Variants in MARCHF7 observed in about 807,000 individuals in gnomAD.
MARCHF7 encodes E3 ubiquitin-protein ligase MARCHF7.
MARCHF7 carries 20 observed loss-of-function variants against 76.5 expected under a neutral mutation model. The observed-to-expected ratio is 0.26, with a 90% CI of 0.18 to 0.38. The LOEUF is 0.38. Ranked by LOEUF, MARCHF7 falls within the 10% of genes least tolerant of loss-of-function variation. The pLI, the probability that MARCHF7 is intolerant of heterozygous loss-of-function variation, is 1.00. For synonymous variants in MARCHF7, 295 were observed against 293.0 expected, an observed-to-expected ratio of 1.01 and a Z score of -0.07; for missense variants, 797 against 812.9, an observed-to-expected ratio of 0.98 and a Z score of 0.24.
chr2:159,717,395 A>T (rs1701159828), intron 3 of MARCHF7, among the ~76,000 whole-genome samples: 1 of 152,200 alleles, frequency 6.6e-6, no homozygotes, highest in African/African-American at 2.4e-5. Flanking sequence ...CTTTAAAATA[A>T]TAGAGTGGGT....
chr2:159,751,804 T>C (rs575755309), intron 7 of MARCHF7, among the ~76,000 whole-genome samples: 8 of 152,342 alleles, frequency 5.3e-5, no homozygotes, highest in African/African-American at 1.9e-4. Context: ...TTTTATAAGA[T>C]TGCTGCGCCG....
At chr2:159,722,979 A>G (rs1701793740) in intron 3 of MARCHF7, among the ~76,000 whole-genome samples, 1 of 152,244 alleles carries the variant, frequency 6.6e-6, no homozygotes, top group Admixed American at 6.5e-5. Flanking sequence ...AAGAGGTATT[A>G]TTAGGAAACA....
At position 159,759,262 on chromosome 2, in the gene MARCHF7, G is replaced by A; in HGVS notation, c.1820G>A (p.Cys607Tyr). 1 of 1,611,374 alleles carries A rather than the reference G, an allele frequency of 6.2e-7. No homozygotes were observed. Among genetic ancestry groups the A allele is most frequent in the Non-Finnish European group, 8.5e-7 (1 of 1,178,034 alleles). Residue 607 changes from cysteine to tyrosine, a missense_variant, in exon 9 of 12, where the codon TGT (cysteine) becomes TAT (tyrosine). Around this residue, in one of 3 missense-constraint regions of MARCHF7, gnomAD observed 124 missense variants for 121.3 expected, o/e 1.02. Coordinates refer to ENST00000409175, the MANE Select transcript of MARCHF7 (RefSeq NM_001282805.2). Reference protein sequence around the residue: ...SLEAVTTCELCKEKLELNLED... With the variant: ...SLEAVTTCELYKEKLELNLED... ...GAAGCTGTAACCACCTGTGAACTAT[G>A]TAAAGAGAAGTTGGAGCTTAACCTG... is the stretch of plus-strand genomic sequence containing the variant.
chr2:159,720,047 A>C (rs1312759616), intron 3 of MARCHF7, among the ~76,000 whole-genome samples: 1 of 152,048 alleles, frequency 6.6e-6, no homozygotes, highest in African/African-American at 2.4e-5. Flanking sequence ...CAGCCCCAAG[A>C]TGGAGTCTTG....
chr2:159,745,118 T>C (rs553385331), intron 5 of MARCHF7, among the ~76,000 whole-genome samples: 9 of 152,338 alleles, frequency 5.9e-5, no homozygotes, highest in African/African-American at 2.2e-4. Flanking sequence ...TTTTGTGAAA[T>C]TCTCCATCTT....
intron 3 of MARCHF7, among the ~76,000 whole-genome samples, chr2:159,716,473 C>G (rs1701052526): frequency 6.6e-6 from 1 of 151,738 alleles, no homozygotes; most frequent in Admixed American, 6.6e-5. Flanking sequence ...ATGATGAAAC[C>G]CCGTCTCTAC....
intron 4 of MARCHF7, among the ~76,000 whole-genome samples, chr2:159,730,735 T>G (rs908783243): frequency 6.6e-6 from 1 of 152,220 alleles, no homozygotes; most frequent in Admixed American, 6.5e-5. Context: ...CTTCATAAAA[T>G]TTTGTCTACT....
chr2:159,764,392 C>T (rs570026138), intron 10 of MARCHF7, among the ~76,000 whole-genome samples: 2 of 151,800 alleles, frequency 1.3e-5, no homozygotes, highest in East Asian at 3.9e-4. Flanking sequence ...ATTATTGTAT[C>T]TGCTCCCAAT....
At chr2:159,765,791 G>A in intron 11 of MARCHF7, among the ~76,000 whole-genome samples, 1 of 152,122 alleles carries the variant, frequency 6.6e-6, no homozygotes, top group East Asian at 1.9e-4. Flanking sequence ...TATTTTCACA[G>A]TTTTAATTAG....
intron 4 of MARCHF7, among the ~76,000 whole-genome samples, chr2:159,741,151 A>T (rs1704073122): frequency 6.6e-6 from 1 of 152,206 alleles, no homozygotes; most frequent in South Asian, 2.1e-4. Flanking sequence ...AAGGCAGAGG[A>T]TTGTTTGAGC....
rs1221968242 is a variant in MARCHF7 at position 159,770,886 on chromosome 2, ATTCT to A, written c.*3547_*3550del. 1.3e-5 allele frequency: 2 copies of A among 152,146 alleles called. No individual in the cohort carries two copies. The highest frequency in any genetic ancestry group is 2.4e-5 in the African/African-American group (1 of 41,446). The allele number at this position is 152,146 out of a possible 1,614,324, so 9.4% of individuals were successfully genotyped here. A position where few individuals can be genotyped will look rare whatever the true frequency, so the allele number is the denominator to read the frequency against. The stretch of plus-strand genomic sequence containing the variant: ...TGACTAATTTACGTGAAATTTATAC[ATTCT>A]TTATCTTTCCTGTTTTTGGTTTATT... On this transcript the variant is annotated 3_prime_UTR_variant, in exon 12 of 12. Transcript: ENST00000409175.
At chr2:159,712,665 A>G (rs1013932074) in intron 1 of MARCHF7, 59 bp downstream of exon 1, 7 of 152,348 alleles carry the variant, frequency 4.6e-5, no homozygotes, top group Non-Finnish European at 8.8e-5. Context: ...AGCCGGGGTA[A>G]TGAGCTGCGG....
At chr2:159,731,105 G>T (rs1312916407) in intron 4 of MARCHF7, among the ~76,000 whole-genome samples, 1 of 152,086 alleles carries the variant, frequency 6.6e-6, no homozygotes, top group African/African-American at 2.4e-5. Flanking sequence ...TGTTGCCCAG[G>T]CAGGTCTCAC....
intron 3 of MARCHF7, among the ~76,000 whole-genome samples, chr2:159,727,502 G>A (rs1317283783): frequency 6.6e-6 from 1 of 152,202 alleles, no homozygotes; most frequent in Non-Finnish European, 1.5e-5. Flanking sequence ...GCGGGACAAT[G>A]GCGTGAACCC....
At position 159,770,773 on chromosome 2, in the gene MARCHF7, C is replaced by T. The variant is rs1708119493; in HGVS notation, c.*3431C>T. On this transcript the variant is annotated 3_prime_UTR_variant, in exon 12 of 12. Transcript: ENST00000409175. ...TTTGGGACAAAATAGGCTCTACCAT[C>T]TGGGTTTGTGTAAATACAAGCTGAT... 6.6e-6 allele frequency: 1 copy of T among 152,144 alleles called. No individual in the cohort carries two copies. The highest frequency in any genetic ancestry group is 2.4e-5 in the African/African-American group (1 of 41,428). The allele number at this position is 152,144 out of a possible 1,614,324, so 9.4% of individuals were successfully genotyped here. A position where few individuals can be genotyped will look rare whatever the true frequency, so the allele number is the denominator to read the frequency against.
chr2:159,719,035 C>T lies in MARCHF7; in HGVS notation c.-15+3269C>T, dbSNP rs180891775. On this transcript the variant is annotated intron_variant, in intron 3 of 11. Transcript: ENST00000409175. ...AAAGTGTCTCACTCTGATGCAGTGG[C>T]GCGATCTCCGCTCACCACAACCTTC... 1.1e-4 allele frequency among the ~76,000 whole-genome samples: 17 copies of T among 152,182 alleles called. No individual in the cohort carries two copies. In the East Asian group the frequency reaches 3.3e-3, roughly 29 times the overall value.
intron 4 of MARCHF7, among the ~76,000 whole-genome samples, chr2:159,739,776 A>T (rs1490481979): frequency 2.0e-5 from 3 of 152,220 alleles, no homozygotes; most frequent in African/African-American, 7.2e-5. Flanking sequence ...TAACCAAAAC[A>T]TTCCTTCTAT....
intron 3 of MARCHF7, among the ~76,000 whole-genome samples, chr2:159,726,373 C>T (rs1045862801): frequency 1.3e-5 from 2 of 152,180 alleles, no homozygotes; most frequent in African/African-American, 4.8e-5. Context: ...CGCCATTCTC[C>T]TGCGTCAGCC....
intron 7 of MARCHF7, among the ~76,000 whole-genome samples, chr2:159,750,213 T>C (rs1319927345): frequency 1.2e-4 from 18 of 152,170 alleles, no homozygotes. Flanking sequence ...GCCAGTTCTT[T>C]AGATATTAGT....
Sources: allele counts gnomAD v4.1 joint callset (sites outside exome capture counted in the v4.1 genomes callset), GRCh38; gene constraint gnomAD v4.1.1; regional missense constraint gnomAD v4.1.1; transcripts MANE v1.5; gene names NCBI Gene and HGNC (gene_info 2026-07-23, HGNC 2026-07-21).